Variants in TOP2A observed in about 807,000 individuals in gnomAD.
TOP2A encodes the protein DNA topoisomerase II alpha.
TOP2A carries 68 observed loss-of-function variants against 187.2 expected under a neutral mutation model. The ratio of observed to expected loss-of-function variants is 0.36; its 90% CI spans 0.30 to 0.44. TOP2A has a LOEUF of 0.44. Among genes scored for constraint, TOP2A ranks in the 20% least tolerant of loss-of-function variants. The pLI, the probability that TOP2A is intolerant of heterozygous loss-of-function variation, is 1.00. For missense variants in TOP2A, 1,196 were observed against 1,808.7 expected (o/e 0.66, Z 6.14); for synonymous variants, 542 against 593.2 (o/e 0.91, Z 1.25).
intron 27 of TOP2A, among the ~76,000 whole-genome samples, chr17:40,397,503 C>G (rs1348262227): frequency 6.6e-6 from 1 of 151,790 alleles, no homozygotes; most frequent in African/African-American, 2.4e-5. Context: ...CCAGGCTGGT[C>G]TCGAACTCCT....
In TOP2A at chr17:40,413,504, C is replaced by T. The variant is rs2035350271; in HGVS notation, c.454G>A (p.Asp152Asn). ...FGQLLTSSNY[D>N]DDEKKVTGGR... ...CCTGTCACTTTCTTTTCATCATCATCATAGTTACTAGAAGTTAGGAGCTGT... is the reference window on the plus strand; with the variant it reads ...CCTGTCACTTTCTTTTCATCATCATTATAGTTACTAGAAGTTAGGAGCTGT... Residue 152 changes from aspartate to asparagine, a missense_variant, in exon 5 of 35, where the codon GAT becomes AAT. Asp to Asn is a conservative substitution (Grantham distance 23). This residue lies in a region of TOP2A where 3 missense variants were observed against 32.6 expected (regional missense o/e 0.09). Coordinates refer to ENST00000423485, the MANE Select transcript of TOP2A (RefSeq NM_001067.4). 1 of 1,536,078 alleles carries T rather than the reference C, an allele frequency of 6.5e-7. No homozygotes were observed. Among genetic ancestry groups the T allele is most frequent in the East Asian group, 2.5e-5 (1 of 40,634 alleles).
chr17:40,391,356 T>G, intron 33 of TOP2A, 150 bp downstream of exon 33: 1 of 771,904 alleles, frequency 1.3e-6, no homozygotes, highest in South Asian at 2.1e-5. Flanking sequence ...CTAATTTTGA[T>G]TATAAAGATC....
chr17:40,406,567 T>C lies in TOP2A; in HGVS notation c.1843+17A>G. ...GTATAATAAAATGAGAAGTTCTATA[T>C]GGGTTTCATTACAAACCTTTGTAAT... On this transcript the variant is annotated intron_variant, in intron 15 of 34. Coordinates refer to ENST00000423485, the MANE Select transcript of TOP2A (RefSeq NM_001067.4). 6.2e-7 allele frequency: 1 copy of C among 1,607,150 alleles called. No individual in the cohort carries two copies.
In TOP2A at chr17:40,400,329, G is replaced by A. The variant is rs759091192; in HGVS notation, c.2880C>T (p.Tyr960=). ...CAAATTTCACAGTGGTATCTGTATG[G>A]TATTCCCTATAGTCTGTTATGAGAG... The part of the protein sequence containing the change: ...TPPLITDYRE[Y]HTDTTVKFVV... Residue 960 remains tyrosine, a synonymous_variant, in exon 23 of 35, where the codon TAC becomes TAT. Transcript: ENST00000423485. The A allele has an allele frequency of 6.2e-7, 1 of 1,613,376 alleles. No individual in the cohort carries two copies. Among genetic ancestry groups the A allele is most frequent in the South Asian group, 1.1e-5 (1 of 91,026 alleles).
Position 40,392,612 on chromosome 17 carries a change from G to C in TOP2A, c.3937C>G (p.Arg1313Gly). The change falls in exon 30 of 35, where the codon CGA (arginine) becomes GGA (glycine). Residue 1313 changes from arginine to glycine, a missense_variant. Physicochemically the swap from Arg to Gly is moderately radical, Grantham distance 125 (BLOSUM62 -2). This residue lies in a region of TOP2A where 374 missense variants were observed against 403.3 expected (regional missense o/e 0.93). Transcript: ENST00000423485. The stretch of plus-strand genomic sequence containing the variant: ...GCTGCTCTCCGTGGCTCTGTTTCTC[G>C]TGGAGGGACATCAAAATTACTTTCG... ...SDESNFDVPP[R>G]ETEPRRAATK... The C allele has an allele frequency of 6.2e-7, 1 of 1,612,784 alleles. No individual in the cohort carries two copies. The highest frequency in any genetic ancestry group is 8.5e-7 in the Non-Finnish European group (1 of 1,179,602).
chr17:40,389,914 A>G, intron 34 of TOP2A, 51 bp downstream of exon 34: 1 of 1,533,376 alleles, frequency 6.5e-7, no homozygotes, highest in East Asian at 2.3e-5. Context: ...TGGCTTAGTT[A>G]CGTGTTTCAG....
chr17:40,395,396 C>A, intron 29 of TOP2A, 53 bp downstream of exon 29: 1 of 1,220,862 alleles, frequency 8.2e-7, no homozygotes, highest in South Asian at 1.3e-5. Flanking sequence ...TACTAGGTAA[C>A]AAACACAATT....
chr17:40,390,386 C>T (rs2035007572), intron 33 of TOP2A, among the ~76,000 whole-genome samples: 1 of 151,868 alleles, frequency 6.6e-6, no homozygotes. Context: ...GATGGGATTC[C>T]ACCATGTTGG....
chr17:40,410,761 G>C (rs977910170), intron 10 of TOP2A: 5 of 414,542 alleles, frequency 1.2e-5, no homozygotes, highest in Non-Finnish European at 2.3e-5. Context: ...AGAGTGGGGG[G>C]CTGCTTGTAT....
At position 40,392,533 on chromosome 17, in the gene TOP2A, T is replaced by C. The variant is rs972433966; in HGVS notation, c.3964+52A>G. 4.5e-6 allele frequency: 7 copies of C among 1,562,056 alleles called. No individual in the cohort carries two copies. In the African/African-American group the frequency reaches 6.9e-5, roughly 15 times the overall value. ...CTGGGGCAAAGTACCCTGAAGTATA[T>C]TGGCCATTCCACTCTTACAGTTTAT... On this transcript the variant is annotated intron_variant, in intron 30 of 34. Transcript: ENST00000423485.
chr17:40,409,385 AT>A (rs1343201235), intron 10 of TOP2A: 2 of 419,990 alleles, frequency 4.8e-6, no homozygotes, highest in South Asian at 1.8e-5. Context: ...AAAAAAAAAA[AT>A]TAAAAATAAA....
At chr17:40,395,685 C>G in intron 28 of TOP2A, 146 bp from the exon 29 acceptor site, 1 of 500,592 alleles carries the variant, frequency 2.0e-6, no homozygotes, top group Non-Finnish European at 3.5e-6. Flanking sequence ...CTCTTGAGGT[C>G]AGGAGTTCGA....
Position 40,410,638 on chromosome 17 carries a change from T to C in TOP2A, c.1203+471A>G, listed in dbSNP as rs74850451. ...TGCAGCATCCAAGAGATGATTCTTA[T>C]TGACCGGATTAGAGAGGAGGGGAAA... On this transcript the variant is annotated intron_variant, in intron 10 of 34. Transcript: ENST00000423485. 4.1e-3 allele frequency: 1,891 copies of C among 456,394 alleles called. 31 individuals are homozygous for C. Among genetic ancestry groups the C allele is most frequent in the African/African-American group, 0.034 (1,691 of 50,154 alleles). The allele number at this position is 456,394 out of a possible 1,614,324, so 28.3% of individuals were successfully genotyped here.
chr17:40,392,451 G>A (rs2035036812), intron 30 of TOP2A, 110 bp from the exon 31 acceptor site: 2 of 1,470,486 alleles, frequency 1.4e-6, no homozygotes, highest in Admixed American at 2.1e-5. Flanking sequence ...CCTGAAAGAT[G>A]CTTCAGTGTT....
At chr17:40,391,462 TTAG>T (rs1296593616) in intron 33 of TOP2A, 41 bp downstream of exon 33, 8 of 1,557,982 alleles carry the variant, frequency 5.1e-6, no homozygotes, top group African/African-American at 1.4e-5. Flanking sequence ...TGGAAACCAG[TTAG>T]GTAATTGCAA....
Position 40,404,792 on chromosome 17 carries a change from T to A in TOP2A, c.2045A>T (p.Glu682Val). ...GTGGCATATATTTAAAACTTTTACC[T>A]CAGGAAGCCCAAGTAACTTTCGTTG... ...RRQRKLLGLP[E>V]DYLYGQTTTY... is the part of the protein sequence containing the mutation. The change falls in exon 17 of 35, where the codon GAG becomes GTG. Residue 682 changes from glutamate (E) to valine (V), a missense_variant and splice_region_variant. Coordinates refer to ENST00000423485, the MANE Select transcript of TOP2A (RefSeq NM_001067.4). 1 of 1,596,118 alleles carries A rather than the reference T, an allele frequency of 6.3e-7. No individual in the cohort carries two copies. The highest frequency in any genetic ancestry group is 8.6e-7 in the Non-Finnish European group (1 of 1,168,024).
chr17:40,406,539 G>A, intron 15 of TOP2A, 45 bp downstream of exon 15: 1 of 1,604,090 alleles, frequency 6.2e-7, no homozygotes, highest in South Asian at 1.1e-5. Context: ...TCTTGTACAG[G>A]GTGTATAATA....
At position 40,390,109 on chromosome 17, in the gene TOP2A, A is replaced by G. The variant is rs751120810; in HGVS notation, c.4323T>C (p.Thr1441=). The change falls in exon 34 of 35, where the codon ACT becomes ACC. Residue 1441 remains threonine, a synonymous_variant. Coordinates refer to ENST00000423485, the MANE Select transcript of TOP2A (RefSeq NM_001067.4). Reference sequence around the variant, plus strand: ...CAGAATTCAAAGCTGGATCCCTTTTAGTTCCTTTTGGGGCAGCCCTTTTTT... The same window carrying G: ...CAGAATTCAAAGCTGGATCCCTTTTGGTTCCTTTTGGGGCAGCCCTTTTTT... ...GAKKRAAPKG[T]KRDPALNSGV... 1 of 1,613,800 alleles carries G rather than the reference A, an allele frequency of 6.2e-7. No homozygotes were observed. Among genetic ancestry groups the G allele is most frequent in the South Asian group, 1.1e-5 (1 of 91,038 alleles).
intron 13 of TOP2A, among the ~76,000 whole-genome samples, chr17:40,407,275 A>G (rs1001580895): frequency 2.6e-5 from 4 of 152,212 alleles, no homozygotes; most frequent in South Asian, 2.1e-4. Flanking sequence ...AAACAAACAA[A>G]GAATTGTTTA....
Sources: allele counts gnomAD v4.1 joint callset (sites outside exome capture counted in the v4.1 genomes callset), GRCh38; gene constraint gnomAD v4.1.1; regional missense constraint gnomAD v4.1.1; transcripts MANE v1.5; gene names NCBI Gene and HGNC (gene_info 2026-07-23, HGNC 2026-07-21).